ANTXR2: variants seen among roughly 807,000 people sequenced by gnomAD.
ANTXR2 encodes anthrax toxin receptor 2.
A neutral mutation model predicts 73.7 loss-of-function variants in ANTXR2; 44 were observed. That is an observed-to-expected ratio of 0.60 (90% CI 0.47 to 0.77). ANTXR2 has a LOEUF of 0.77. Among genes scored for constraint, ANTXR2 ranks in the 30% least tolerant of loss-of-function variants. The probability of loss-of-function intolerance (pLI) is 0.00; values close to 1 mark genes in which losing one functional copy is unlikely to be tolerated. For missense variants in ANTXR2, 604 were observed against 592.5 expected (o/e 1.02, Z -0.20); for synonymous variants, 217 against 205.9 (o/e 1.05, Z -0.46).
chr4:79,987,685 C>T lies in ANTXR2; in HGVS notation c.1042-2822G>A, dbSNP rs183798014. 2.4e-4 allele frequency among the ~76,000 whole-genome samples: 36 copies of T among 152,084 alleles called. 1 individual carries two copies. The highest frequency in any genetic ancestry group is 1.2e-3 in the East Asian group (6 of 5,176). On this transcript the variant is annotated intron_variant, in intron 12 of 16. Transcript: ENST00000403729. ...TAGTCATCAGATTCTCCAAAGTCAA[C>T]GCAAAGGAAAGAAATGTTAAAGGCA... is the stretch of plus-strand genomic sequence containing the variant.
chr4:80,014,151 A>G (rs1016707329), intron 11 of ANTXR2, among the ~76,000 whole-genome samples: 1 of 151,666 alleles, frequency 6.6e-6, no homozygotes, highest in Non-Finnish European at 1.5e-5. Context: ...TTATTTCTTC[A>G]CTTACTTTAT....
At chr4:79,957,229 G>T (rs1190154562) in intron 16 of ANTXR2, among the ~76,000 whole-genome samples, 2 of 151,954 alleles carry the variant, frequency 1.3e-5, no homozygotes, top group Non-Finnish European at 2.9e-5. Flanking sequence ...TCATGTTATT[G>T]TCCAATTCAA....
At position 80,000,991 on chromosome 4, in the gene ANTXR2, C is replaced by T. The variant is rs182330664; in HGVS notation, c.1041+7530G>A. The stretch of plus-strand genomic sequence containing the variant: ...ATTCTAATAACATATATGCGTGAGG[C>T]ACTTCTGAAAATTGTAAACCCGTCT... On this transcript the variant is annotated intron_variant, in intron 12 of 16. Transcript: ENST00000403729. Among the ~76,000 whole-genome samples, 234 of 152,110 alleles carry T rather than the reference C, an allele frequency of 1.5e-3. 1 individual carries two copies. The highest frequency in any genetic ancestry group is 5.5e-3 in the African/African-American group (229 of 41,530).
chr4:79,924,947 A>G (rs909260642), intron 16 of ANTXR2, among the ~76,000 whole-genome samples: 1 of 152,178 alleles, frequency 6.6e-6, no homozygotes, highest in South Asian at 2.1e-4. Flanking sequence ...TAGAAAAGCT[A>G]TATGAGATGA....
chr4:79,933,701 C>G (rs551364949), intron 16 of ANTXR2, among the ~76,000 whole-genome samples: 1 of 97,426 alleles, frequency 1.0e-5, no homozygotes, highest in Admixed American at 1.3e-4. Context: ...TCCCTCCACC[C>G]TCCCCCCACC....
At chr4:80,065,985 A>AC in intron 3 of ANTXR2, among the ~76,000 whole-genome samples, 1 of 152,314 alleles carries the variant, frequency 6.6e-6, no homozygotes, top group South Asian at 2.1e-4. Flanking sequence ...ACAAAGATTC[A>AC]CAATAGTTGT....
At chr4:79,949,787 C>T (rs989278827) in intron 16 of ANTXR2, among the ~76,000 whole-genome samples, 5 of 152,104 alleles carry the variant, frequency 3.3e-5, no homozygotes, top group African/African-American at 9.7e-5. Flanking sequence ...TTAGTTTTCT[C>T]CTAAGCCAAG....
chr4:80,066,918 T>C (rs1258316723), intron 3 of ANTXR2, among the ~76,000 whole-genome samples: 4 of 151,518 alleles, frequency 2.6e-5, no homozygotes, highest in African/African-American at 9.7e-5. Flanking sequence ...CCTCTTCTGG[T>C]GAGGTGCAGT....
At chr4:79,907,606 T>C (rs965071551) in intron 16 of ANTXR2, 139 bp from the exon 17 acceptor site, 1 of 912,682 alleles carries the variant, frequency 1.1e-6, no homozygotes, top group Non-Finnish European at 1.7e-6. Flanking sequence ...AAGTCATAAT[T>C]TTTTTTTCTT....
At chr4:80,006,944 G>C (rs1283262107) in intron 12 of ANTXR2, among the ~76,000 whole-genome samples, 1 of 152,102 alleles carries the variant, frequency 6.6e-6, no homozygotes, top group Non-Finnish European at 1.5e-5. Flanking sequence ...GCTTTTTAAT[G>C]TGATACTCAA....
chr4:79,902,182 A>G lies in ANTXR2; in HGVS notation c.*5247T>C, dbSNP rs1726733516. On this transcript the variant is annotated 3_prime_UTR_variant, in exon 17 of 17. Transcript: ENST00000403729. ...TAAATATAATTCATCTAAGATACAA[A>G]TAACTTCATGGCAATTAGGAAACCC... is the stretch of plus-strand genomic sequence containing the variant. 1 of 152,206 alleles carries G rather than the reference A, an allele frequency of 6.6e-6. No homozygotes were observed. The highest frequency in any genetic ancestry group is 2.4e-5 in the African/African-American group (1 of 41,452). 9.4% of individuals were successfully genotyped at this position (152,206 alleles called of 1,614,324 possible). A position where few individuals can be genotyped will look rare whatever the true frequency, so the allele number is the denominator to read the frequency against.
intron 16 of ANTXR2, among the ~76,000 whole-genome samples, chr4:79,976,501 G>A (rs1729643661): frequency 1.3e-5 from 2 of 152,156 alleles, no homozygotes; most frequent in South Asian, 2.1e-4. Flanking sequence ...CCATGACAAT[G>A]ACCCGATGAC....
intron 16 of ANTXR2, chr4:79,964,881 C>G: frequency 6.6e-6 from 1 of 152,284 alleles, no homozygotes; most frequent in Middle Eastern, 3.2e-3. Flanking sequence ...GAGGACTTCC[C>G]GCCGCAATCA....
chr4:79,919,097 A>T (rs1727467683), intron 16 of ANTXR2, among the ~76,000 whole-genome samples: 1 of 152,132 alleles, frequency 6.6e-6, no homozygotes, highest in Admixed American at 6.6e-5. Context: ...TTGTTAATCT[A>T]AAAGAGGAAG....
chr4:80,019,581 G>A (rs1484408632), intron 10 of ANTXR2, among the ~76,000 whole-genome samples: 1 of 152,130 alleles, frequency 6.6e-6, no homozygotes, highest in African/African-American at 2.4e-5. Flanking sequence ...TACAAAGAAA[G>A]AAAAGCTTTA....
chr4:79,931,873 A>C (rs1728071193), intron 16 of ANTXR2, among the ~76,000 whole-genome samples: 1 of 152,238 alleles, frequency 6.6e-6, no homozygotes, highest in Admixed American at 6.5e-5. Context: ...ACACTCAAGT[A>C]TTCATGTATA....
At chr4:80,033,109 A>C (rs1732777046) in intron 9 of ANTXR2, among the ~76,000 whole-genome samples, 1 of 151,922 alleles carries the variant, frequency 6.6e-6, no homozygotes. Flanking sequence ...CAATTAAATC[A>C]TGTGTTTGAT....
intron 12 of ANTXR2, among the ~76,000 whole-genome samples, chr4:80,000,531 C>A (rs1560967420): frequency 1.3e-5 from 2 of 151,958 alleles, no homozygotes; most frequent in Non-Finnish European, 1.5e-5. Flanking sequence ...ACACACAGTA[C>A]CTGCCTTCAT....
intron 16 of ANTXR2, among the ~76,000 whole-genome samples, chr4:79,961,735 A>G (rs1729149563): frequency 6.6e-6 from 1 of 152,198 alleles, no homozygotes; most frequent in African/African-American, 2.4e-5. Context: ...CCCCACACTC[A>G]GCCAAAAGTA....
Sources: allele counts gnomAD v4.1 joint callset (sites outside exome capture counted in the v4.1 genomes callset), GRCh38; gene constraint gnomAD v4.1.1; transcripts MANE v1.5; gene names NCBI Gene and HGNC (gene_info 2026-07-23, HGNC 2026-07-21).